Variants in SAMSN1 observed in about 807,000 individuals in gnomAD.
SAMSN1 encodes the protein SAM domain, SH3 domain and nuclear localization signals 1, also known as SAM domain-containing protein SAMSN-1.
Under a neutral mutation model 42.0 loss-of-function variants are expected in SAMSN1, and 31 were observed. The observed-to-expected ratio is 0.74, with a 90% CI of 0.55 to 1.00. The LOEUF (loss-of-function observed/expected upper bound fraction) is 1.00. SAMSN1 is among the 50% of genes least tolerant of loss of function. The pLI, the probability that SAMSN1 is intolerant of heterozygous loss-of-function variation, is 0.00. For missense variants in SAMSN1, 464 were observed against 439.4 expected, an observed-to-expected ratio of 1.06 and a Z score of -0.50; for synonymous variants, 178 against 151.9, an observed-to-expected ratio of 1.17 and a Z score of -1.26.
intron 1 of SAMSN1, among the ~76,000 whole-genome samples, chr21:14,523,868 A>C (rs370746324): frequency 3.3e-5 from 5 of 152,174 alleles, no homozygotes; most frequent in African/African-American, 1.2e-4. Context: ...TCATTATATC[A>C]ATAAAGAAAA....
chr21:14,566,188 TG>T (rs1255917474), intron 2 of SAMSN1, among the ~76,000 whole-genome samples: 1 of 152,198 alleles, frequency 6.6e-6, no homozygotes, highest in Non-Finnish European at 1.5e-5. Flanking sequence ...GCATCTGAAT[TG>T]AAGTAATGCA....
At chr21:14,551,155 T>A (rs769813846), upstream of SAMSN1, among the ~76,000 whole-genome samples, 3 of 151,970 alleles carry the variant, frequency 2.0e-5, no homozygotes, top group Non-Finnish European at 2.9e-5. Flanking sequence ...GTGGTTAGAG[T>A]TGCTAGTCAT....
intron 1 of SAMSN1, among the ~76,000 whole-genome samples, chr21:14,654,214 A>T (rs1440131189): frequency 1.3e-5 from 2 of 152,016 alleles, no homozygotes; most frequent in Non-Finnish European, 2.9e-5. Flanking sequence ...AGTTCTAGGT[A>T]TATTAACATA....
chr21:14,642,428 C>T (rs937283955), intron 2 of SAMSN1, among the ~76,000 whole-genome samples: 1 of 152,148 alleles, frequency 6.6e-6, no homozygotes, highest in Non-Finnish European at 1.5e-5. Flanking sequence ...GTGGTTAGAG[C>T]ATAAACTTTG....
chr21:14,615,494 C>T (rs1982812387), intron 3 of SAMSN1, among the ~76,000 whole-genome samples: 1 of 152,136 alleles, frequency 6.6e-6, no homozygotes, highest in Non-Finnish European at 1.5e-5. Flanking sequence ...GCTTCCTGCC[C>T]ATGTGTAATT....
At chr21:14,577,946 C>G (rs1484424578) in intron 2 of SAMSN1, among the ~76,000 whole-genome samples, 1 of 152,216 alleles carries the variant, frequency 6.6e-6, no homozygotes, top group African/African-American at 2.4e-5. Context: ...TGTTAAACAT[C>G]TCTGTATCTC....
chr21:14,559,596 T>G (rs1315090841), intron 2 of SAMSN1, among the ~76,000 whole-genome samples: 1 of 152,148 alleles, frequency 6.6e-6, no homozygotes, highest in Non-Finnish European at 1.5e-5. Flanking sequence ...ATTGAACTCA[T>G]GGGCTCCAGA....
chr21:14,646,752 G>T (rs1366641166), intron 1 of SAMSN1, among the ~76,000 whole-genome samples: 5 of 152,144 alleles, frequency 3.3e-5, no homozygotes, highest in Admixed American at 2.6e-4. Context: ...TAGAAGCAAT[G>T]AAAAGTTAAA....
chr21:14,522,642 G>T (rs1343607805), intron 1 of SAMSN1, among the ~76,000 whole-genome samples: 1 of 152,040 alleles, frequency 6.6e-6, no homozygotes, highest in African/African-American at 2.4e-5. Context: ...CAAATAACAA[G>T]TTCCTGTGAT....
intron 5 of SAMSN1, among the ~76,000 whole-genome samples, chr21:14,605,058 A>G (rs1213538941): frequency 6.6e-6 from 1 of 152,262 alleles, no homozygotes; most frequent in Non-Finnish European, 1.5e-5. Context: ...TATGCCATCC[A>G]GCATAAAAAT....
chr21:14,546,302 T>C lies in SAMSN1; in HGVS notation c.-41A>G. ...CTCCTAGTGAGTGCACTTTCTGCTG[T>C]TACAGAAACAACTGAAAACAGTCAG... On this transcript the variant is annotated 5_prime_UTR_variant, in exon 1 of 8. Coordinates refer to ENST00000400566, the MANE Select transcript of SAMSN1 (RefSeq NM_022136.5). The C allele has an allele frequency of 6.2e-7, 1 of 1,611,382 alleles. No homozygotes were observed. Among genetic ancestry groups the C allele is most frequent in the Non-Finnish European group, 8.5e-7 (1 of 1,178,758 alleles).
intron 7 of SAMSN1, among the ~76,000 whole-genome samples, chr21:14,493,574 AACACACACACACACACAC>A (rs201460166): frequency 2.9e-5 from 3 of 102,202 alleles, no homozygotes; most frequent in African/African-American, 5.7e-5. Context: ...TTTATGGAAC[AACACACACACACACACAC>A]ACACACACAC....
intron 2 of SAMSN1, among the ~76,000 whole-genome samples, chr21:14,553,440 T>C (rs1383211031): frequency 1.3e-5 from 2 of 152,206 alleles, no homozygotes; most frequent in African/African-American, 4.8e-5. Flanking sequence ...TTGCAAATGC[T>C]CAAACACTTT....
At chr21:14,513,713 C>T (rs1280936546) in intron 3 of SAMSN1, among the ~76,000 whole-genome samples, 1 of 152,116 alleles carries the variant, frequency 6.6e-6, no homozygotes, top group Non-Finnish European at 1.5e-5. Context: ...GTAATATATG[C>T]CCTGAATTAT....
intron 6 of SAMSN1, chr21:14,594,083 G>C (rs763746148): frequency 1.0e-5 from 7 of 698,552 alleles, no homozygotes; most frequent in Non-Finnish European, 1.9e-5. Flanking sequence ...GGTCACCTTA[G>C]AAATTAGAAA....
chr21:14,593,811 GA>G (rs1326586770), intron 7 of SAMSN1: 2 of 368,860 alleles, frequency 5.4e-6, no homozygotes, highest in Non-Finnish European at 9.7e-6. Flanking sequence ...TTCTTTGAAG[GA>G]AATGCTTTAT....
At position 14,648,294 on chromosome 21, in the gene SAMSN1, T is replaced by C. The variant is rs574608023; in HGVS notation, c.25-5161A>G. ...CAAGATGGATTAAAGACTTAAACGTTAGACCTAAAACCATAAAAACCCTAG... is the reference window on the plus strand; with the variant it reads ...CAAGATGGATTAAAGACTTAAACGTCAGACCTAAAACCATAAAAACCCTAG... On this transcript the variant is annotated intron_variant, in intron 1 of 15. Coordinates refer to the SAMSN1 transcript ENST00000647101. 4.7e-3 allele frequency among the ~76,000 whole-genome samples: 718 copies of C among 152,238 alleles called. 8 individuals carry two copies. The highest frequency in any genetic ancestry group is 0.016 in the African/African-American group (684 of 41,546).
chr21:14,562,841 C>T (rs1053368108), intron 2 of SAMSN1, among the ~76,000 whole-genome samples: 3 of 152,016 alleles, frequency 2.0e-5, no homozygotes, highest in African/African-American at 4.8e-5. Flanking sequence ...TTTTCTGTTA[C>T]GTATATTTCT....
At chr21:14,518,253 C>T (rs1169517199) in intron 2 of SAMSN1, among the ~76,000 whole-genome samples, 2 of 152,222 alleles carry the variant, frequency 1.3e-5, no homozygotes, top group South Asian at 2.1e-4. Flanking sequence ...ATTAATTATT[C>T]CTCTAAGCAG....
Sources: gnomAD v4.1 joint callset for allele counts (sites outside exome capture counted in the v4.1 genomes callset) on GRCh38, gnomAD v4.1.1 for gene constraint, MANE v1.5 for transcripts, NCBI Gene and HGNC (gene_info 2026-07-23, HGNC 2026-07-21) for gene names.